The following DNAH12 variants were observed in gnomAD, a reference collection of about 807,000 sequenced individuals.
The protein encoded by DNAH12 is axonemal beta dynein heavy chain 12.
A neutral mutation model predicts 371.5 loss-of-function variants in DNAH12; 285 were observed. The ratio of observed to expected loss-of-function variants is 0.77; its 90% CI spans 0.70 to 0.85. The LOEUF is 0.85. DNAH12 is among the 40% of genes least tolerant of loss of function. DNAH12 has a pLI of 0.00. For missense variants in DNAH12, 3,611 were observed against 3,689.4 expected, an observed-to-expected ratio of 0.98 and a Z score of 0.55; for synonymous variants, 1,200 against 1,213.0, an observed-to-expected ratio of 0.99 and a Z score of 0.22.
intron 17 of DNAH12, among the ~76,000 whole-genome samples, chr3:57,465,433 C>T (rs1325782134): frequency 6.6e-6 from 1 of 151,982 alleles, no homozygotes; most frequent in Non-Finnish European, 1.5e-5. Context: ...CAACATAACC[C>T]TGATACCAAA....
chr3:57,423,599 G>C (rs1041687371), intron 35 of DNAH12, among the ~76,000 whole-genome samples: 3 of 152,142 alleles, frequency 2.0e-5, no homozygotes, highest in Non-Finnish European at 4.4e-5. Context: ...AGGGGAGAGG[G>C]AGGAGATCAA....
intron 62 of DNAH12, among the ~76,000 whole-genome samples, chr3:57,331,160 A>T (rs2062086283): frequency 1.3e-5 from 2 of 152,176 alleles, no homozygotes; most frequent in African/African-American, 4.8e-5. Flanking sequence ...GTAAGCAGAC[A>T]ATTATTGTAC....
At chr3:57,305,653 C>T (rs924884235) in intron 69 of DNAH12, among the ~76,000 whole-genome samples, 2 of 152,110 alleles carry the variant, frequency 1.3e-5, no homozygotes, top group Admixed American at 6.5e-5. Flanking sequence ...AACCCTGAGA[C>T]GCTTTACAGC....
intron 55 of DNAH12, among the ~76,000 whole-genome samples, chr3:57,371,941 CAAAAAAAAA>C (rs1169602185): frequency 3.9e-5 from 1 of 25,862 alleles, no homozygotes; most frequent in East Asian, 3.8e-4. Context: ...CTAAACTCAG[CAAAAAAAAA>C]AAAAAAAAAA....
At chr3:57,499,645 AAAATATATATATATATATAT>A (rs2067450059) in intron 11 of DNAH12, among the ~76,000 whole-genome samples, 1 of 23,358 alleles carries the variant, frequency 4.3e-5, no homozygotes. Context: ...AAAAAAAAAA[AAAATATATATATATATATAT>A]ATATATATAT....
chr3:57,503,528 A>G (rs1475558419), intron 9 of DNAH12, among the ~76,000 whole-genome samples: 3 of 151,792 alleles, frequency 2.0e-5, no homozygotes, highest in African/African-American at 7.3e-5. Context: ...AGCTGGGAGT[A>G]CAGGCACGCG....
Position 57,510,822 on chromosome 3 carries a change from C to T in DNAH12, c.437G>A (p.Ser146Asn). The T allele has an allele frequency of 1.2e-6, 2 of 1,614,006 alleles. No individual in the cohort carries two copies. Among genetic ancestry groups the T allele is most frequent in the Non-Finnish European group, 8.5e-7 (1 of 1,179,996 alleles). The change falls in exon 5 of 74, where the codon AGT becomes AAT. Residue 146 changes from serine (S) to asparagine (N), a missense_variant. By Grantham distance (46) the Ser-to-Asn change is conservative. This residue lies in a region of DNAH12 where 1,314 missense variants were observed against 1,398.7 expected (regional missense o/e 0.94). Transcript: ENST00000495027. Reference sequence around the variant, plus strand: ...TCTCTTCATGCTGTTTTCAAAGTCACTTGACACCTCATTTATGAGACTTTC... The same window carrying T: ...TCTCTTCATGCTGTTTTCAAAGTCATTTGACACCTCATTTATGAGACTTTC... ...LLESLINEVS[S>N]DFENSMKRYL...
In DNAH12 at chr3:57,323,094, G is replaced by A. The variant is rs2061844702; in HGVS notation, c.10296C>T (p.Pro3432=). 44 of 1,552,254 alleles carry A rather than the reference G, an allele frequency of 2.8e-5. No homozygotes were observed. Among genetic ancestry groups the A allele is most frequent in the Non-Finnish European group, 3.7e-5 (42 of 1,147,156 alleles). Residue 3432 remains proline (P), a synonymous_variant, in exon 64 of 74, where the codon CCC becomes CCT. Coordinates refer to ENST00000495027, the MANE Select transcript of DNAH12 (RefSeq NM_001366028.2). ...QNCHLAVSWM[P]MLEKICEDFT... is the part of the protein sequence containing the mutation. ...AATCTTCACATATTTTTTCCAACAT[G>A]GGCATCCAGGACACTGCAAGATGGC...
In DNAH12 at chr3:57,468,950, T is replaced by C. The variant is rs1296521156; in HGVS notation, c.2135A>G (p.Asn712Ser). 5.3e-6 allele frequency: 8 copies of C among 1,509,658 alleles called. No homozygotes were observed. Among genetic ancestry groups the C allele is most frequent in the Middle Eastern group, 1.7e-4 (1 of 5,908 alleles). 93.5% of individuals were successfully genotyped at this position (1,509,658 alleles called of 1,614,324 possible). ...RWMDGGFLDL[N>S]GESMEADVEE... ...CACATCAGCCTCCATGCTTTCCCCA[T>C]TGAGGTCCAAAAACCCTCCATCCAT... The change falls in exon 17 of 74, where the codon AAT becomes AGT. Residue 712 changes from asparagine to serine, a missense_variant. Asn to Ser is a conservative substitution (Grantham distance 46). Around this residue, in one of 3 missense-constraint regions of DNAH12, gnomAD observed 1,314 missense variants for 1,398.7 expected, o/e 0.94. Transcript: ENST00000495027.
intron 55 of DNAH12, among the ~76,000 whole-genome samples, chr3:57,370,389 G>A (rs1445717751): frequency 2.0e-5 from 3 of 152,170 alleles, no homozygotes; most frequent in Non-Finnish European, 4.4e-5. Context: ...TGAAGTAGGA[G>A]TTATTTTCAC....
rs1357052545 is a variant in DNAH12 at position 57,446,041 on chromosome 3, T to G, written c.4169A>C (p.Asp1390Ala). The G allele has an allele frequency of 3.2e-6, 5 of 1,546,658 alleles. No individual in the cohort carries two copies. The Admixed American group carries it at 9.9e-5, about 31-fold the overall frequency. ...PGYAGRSELPDNLKVLFRTVA... is the reference protein window; with the variant it reads ...PGYAGRSELPANLKVLFRTVA... ...AATAAATAATATTACCTTAAGATTG[T>G]CCGGCAATTCAGAGCGTCCTGCATA... is the stretch of plus-strand genomic sequence containing the variant. Residue 1390 changes from aspartate (D) to alanine (A), a missense_variant, in exon 27 of 74, where the codon GAC becomes GCC. Coordinates refer to ENST00000495027, the MANE Select transcript of DNAH12 (RefSeq NM_001366028.2).
At chr3:57,378,755 T>C (rs1197495125) in intron 52 of DNAH12, among the ~76,000 whole-genome samples, 3 of 152,180 alleles carry the variant, frequency 2.0e-5, no homozygotes, top group Non-Finnish European at 4.4e-5. Context: ...CTTTCCATGC[T>C]CTGCCTCTTA....
chr3:57,370,285 A>T (rs2063143260), intron 55 of DNAH12, among the ~76,000 whole-genome samples: 25 of 152,222 alleles, frequency 1.6e-4, no homozygotes. Flanking sequence ...TCAGAGCTTA[A>T]GATATAGACT....
intron 25 of DNAH12, among the ~76,000 whole-genome samples, chr3:57,448,289 G>C (rs7653147): frequency 6.6e-6 from 1 of 151,928 alleles, no homozygotes; most frequent in Non-Finnish European, 1.5e-5. Context: ...TGGCTCAGGA[G>C]TGAAGCTGCA....
intron 43 of DNAH12, among the ~76,000 whole-genome samples, chr3:57,397,680 C>T (rs1336091068): frequency 1.3e-5 from 2 of 152,136 alleles, no homozygotes; most frequent in Admixed American, 1.3e-4. Flanking sequence ...TGAGAAGAAA[C>T]AGGAAATTAA....
Position 57,542,763 on chromosome 3 carries a change from T to A in DNAH12, c.108A>T (p.Thr36=). 1 of 1,612,744 alleles carries A rather than the reference T, an allele frequency of 6.2e-7. No homozygotes were observed. Among genetic ancestry groups the A allele is most frequent in the Non-Finnish European group, 8.5e-7 (1 of 1,179,492 alleles). Residue 36 remains threonine, a synonymous_variant, in exon 2 of 74, where the codon ACA becomes ACT. Coordinates refer to ENST00000495027, the MANE Select transcript of DNAH12 (RefSeq NM_001366028.2). ...LPENIGVDTP[T]QSKLLKYRRS... ...TTCTGTATTTTAGCAGCTTACTTTG[T>A]GTTGGTGTATCAACGCCTATGTTTT...
intron 60 of DNAH12, among the ~76,000 whole-genome samples, chr3:57,344,888 T>C (rs2062499964): frequency 6.6e-6 from 1 of 152,078 alleles, no homozygotes; most frequent in African/African-American, 2.4e-5. Context: ...TTAACAATAA[T>C]ATATTATTGT....
chr3:57,300,499 A>C (rs1170424754), intron 70 of DNAH12, among the ~76,000 whole-genome samples: 1 of 152,108 alleles, frequency 6.6e-6, no homozygotes, highest in African/African-American at 2.4e-5. Flanking sequence ...ACAAAAGAAA[A>C]ATGGGCCTAG....
intron 36 of DNAH12, among the ~76,000 whole-genome samples, chr3:57,420,772 G>A (rs2064547385): frequency 6.6e-6 from 1 of 152,000 alleles, no homozygotes; most frequent in Non-Finnish European, 1.5e-5. Flanking sequence ...AGCCAGGCGT[G>A]GTGGCGGGCA....
Sources: allele counts gnomAD v4.1 joint callset (sites outside exome capture counted in the v4.1 genomes callset), GRCh38; gene constraint gnomAD v4.1.1; regional missense constraint gnomAD v4.1.1; transcripts MANE v1.5; gene names NCBI Gene and HGNC (gene_info 2026-07-23, HGNC 2026-07-21).